The following VPS35L variants were observed in gnomAD, a reference collection of about 807,000 sequenced individuals.
VPS35L encodes VPS35 endosomal protein sorting factor like.
Under a neutral mutation model 133.0 loss-of-function variants are expected in VPS35L, and 83 were observed. That is an observed-to-expected ratio of 0.62 (90% CI 0.52 to 0.75). VPS35L has a LOEUF of 0.75. Among genes scored for constraint, VPS35L ranks in the 30% least tolerant of loss-of-function variants. VPS35L has a pLI of 0.00. For missense variants in VPS35L, 1,083 were observed against 1,206.8 expected, an observed-to-expected ratio of 0.90 and a Z score of 1.52; for synonymous variants, 423 against 449.9, an observed-to-expected ratio of 0.94 and a Z score of 0.76.
intron 12 of VPS35L, chr16:19,611,944 C>CTT (rs1213608306): frequency 3.7e-4 from 53 of 144,274 alleles, no homozygotes; most frequent in African/African-American, 1.2e-3. Flanking sequence ...TTTCTTTTTC[C>CTT]TTTTTTTTTT....
intron 26 of VPS35L, among the ~76,000 whole-genome samples, chr16:19,660,284 C>T (rs1204493682): frequency 6.6e-6 from 1 of 151,348 alleles, no homozygotes; most frequent in African/African-American, 2.4e-5. Context: ...GCCATGATTG[C>T]ACCACTGCAC....
intron 8 of VPS35L, among the ~76,000 whole-genome samples, chr16:19,593,802 A>G (rs1007109838): frequency 1.3e-5 from 2 of 152,132 alleles, no homozygotes; most frequent in Non-Finnish European, 2.9e-5. Context: ...CTGTAGTCCC[A>G]GCTACTTGGG....
At chr16:19,585,886 G>C (rs906533316) in intron 7 of VPS35L, among the ~76,000 whole-genome samples, 2 of 151,932 alleles carry the variant, frequency 1.3e-5, no homozygotes, top group African/African-American at 4.8e-5. Flanking sequence ...GTGTTATTTG[G>C]TTGAGTTGTA....
chr16:19,621,331 G>A lies in VPS35L; in HGVS notation c.1224+4523G>A, dbSNP rs568225931. Among the ~76,000 whole-genome samples, 3 of 152,302 alleles carry A rather than the reference G, an allele frequency of 2.0e-5. No individual in the cohort carries two copies. The South Asian group carries it at 6.2e-4, about 32-fold the overall frequency. ...ATTTCTAGGACATGGAAGTTGGGAGGGGGGGACATTCGCATCTTTCTTGAT... is the reference window on the plus strand; with the variant it reads ...ATTTCTAGGACATGGAAGTTGGGAGAGGGGGACATTCGCATCTTTCTTGAT... On this transcript the variant is annotated intron_variant, in intron 14 of 30. Transcript: ENST00000417362.
chr16:19,676,996 G>T (rs1975084950), intron 27 of VPS35L, among the ~76,000 whole-genome samples: 1 of 152,056 alleles, frequency 6.6e-6, no homozygotes, highest in African/African-American at 2.4e-5. Flanking sequence ...AGGATTGCTT[G>T]AGGCCAGGAG....
At chr16:19,640,330 A>G (rs1354995840) in intron 21 of VPS35L, among the ~76,000 whole-genome samples, 1 of 152,136 alleles carries the variant, frequency 6.6e-6, no homozygotes, top group African/African-American at 2.4e-5. Context: ...AGAAAACCAC[A>G]CTGGAAGGAA....
At position 19,616,682 on chromosome 16, in the gene VPS35L, G is replaced by A. The variant is rs114987400; in HGVS notation, c.1102-4G>A. The A allele has an allele frequency of 5.7e-3, 9,146 of 1,613,396 alleles. 143 individuals are homozygous for A. Among genetic ancestry groups the A allele is most frequent in the African/African-American group, 0.054 (4,073 of 74,984 alleles). On this transcript the variant is annotated splice_polypyrimidine_tract_variant and splice_region_variant and intron_variant, in intron 13 of 30. Transcript: ENST00000417362. ...TTTCTAAGTGTTTGTTTGGCCTCCT[G>A]TAGATTCATGGGGATACGGTCCAGA... is the stretch of plus-strand genomic sequence containing the variant.
intron 11 of VPS35L, among the ~76,000 whole-genome samples, chr16:19,609,966 A>C (rs1972657895): frequency 6.6e-6 from 1 of 152,186 alleles, no homozygotes; most frequent in Non-Finnish European, 1.5e-5. Context: ...GGCAAACGAA[A>C]ATACATGTGG....
At chr16:19,664,102 T>G (rs943684943) in intron 26 of VPS35L, among the ~76,000 whole-genome samples, 2 of 152,158 alleles carry the variant, frequency 1.3e-5, no homozygotes, top group Non-Finnish European at 2.9e-5. Flanking sequence ...TGTGATATTT[T>G]GCCAGTGAGC....
At chr16:19,668,523 G>T (rs1177110999) in intron 26 of VPS35L, among the ~76,000 whole-genome samples, 2 of 151,284 alleles carry the variant, frequency 1.3e-5, no homozygotes, top group South Asian at 4.2e-4. Context: ...TTTTTTCATA[G>T]CTCTTTAAAT....
At chr16:19,662,375 C>A (rs920318234) in intron 26 of VPS35L, among the ~76,000 whole-genome samples, 2 of 152,010 alleles carry the variant, frequency 1.3e-5, no homozygotes, top group African/African-American at 4.8e-5. Context: ...GCCAGGTATG[C>A]CAGATCTGAC....
chr16:19,573,183 G>A lies in VPS35L; in HGVS notation c.350G>A (p.Trp117Ter). ...NSVVGSDFEP[W>*]TNKRGEILAR... ...GTTGTAGGATCGGATTTTGAGCCTT[G>A]GACCAACAAACGGGGAGAAATCCTT... Residue 117 changes from tryptophan (W) to a stop codon, truncating the protein, a stop_gained, in exon 4 of 31, where the codon TGG (tryptophan) becomes TAG (stop). Transcript: ENST00000417362. LOFTEE classifies it high-confidence loss of function. The A allele has an allele frequency of 6.2e-7, 1 of 1,613,960 alleles. No homozygotes were observed.
At chr16:19,643,782 C>CT (rs1032726345) in intron 22 of VPS35L, among the ~76,000 whole-genome samples, 2 of 142,362 alleles carry the variant, frequency 1.4e-5, no homozygotes, top group African/African-American at 6.0e-5. Flanking sequence ...CCCGTCTCTA[C>CT]TTTAAAAAAA....
chr16:19,666,356 CAA>C (rs1175952782), intron 26 of VPS35L, among the ~76,000 whole-genome samples: 1 of 152,066 alleles, frequency 6.6e-6, no homozygotes, highest in African/African-American at 2.4e-5. Context: ...AGCTACAAAA[CAA>C]AGTGTTACAT....
At chr16:19,593,076 C>G (rs1972094497) in intron 8 of VPS35L, among the ~76,000 whole-genome samples, 1 of 152,162 alleles carries the variant, frequency 6.6e-6, no homozygotes, top group Non-Finnish European at 1.5e-5. Flanking sequence ...CACACACCAC[C>G]TCACAGGTAG....
chr16:19,570,275 C>T (rs1482014698), intron 3 of VPS35L, among the ~76,000 whole-genome samples: 1 of 152,110 alleles, frequency 6.6e-6, no homozygotes, highest in Non-Finnish European at 1.5e-5. Flanking sequence ...GTTGACCAGG[C>T]TGGTCTTGAA....
intron 9 of VPS35L, among the ~76,000 whole-genome samples, chr16:19,607,452 G>A (rs1407880703): frequency 2.6e-5 from 4 of 152,166 alleles, no homozygotes; most frequent in Non-Finnish European, 4.4e-5. Context: ...CTTGACCCAC[G>A]TGACCACACC....
chr16:19,571,704 C>T (rs1302073190), intron 3 of VPS35L, among the ~76,000 whole-genome samples: 3 of 152,138 alleles, frequency 2.0e-5, no homozygotes, highest in East Asian at 1.9e-4. Flanking sequence ...GCCACCACAC[C>T]TGGCTAATTT....
chr16:19,626,577 C>T (rs543259631), intron 15 of VPS35L, among the ~76,000 whole-genome samples: 17 of 152,120 alleles, frequency 1.1e-4, no homozygotes, highest in African/African-American at 3.9e-4. Flanking sequence ...GCCTGGCCAA[C>T]GTGGCAAAAC....
Sources: allele counts gnomAD v4.1 joint callset (sites outside exome capture counted in the v4.1 genomes callset), GRCh38; gene constraint gnomAD v4.1.1; transcripts MANE v1.5; gene names NCBI Gene and HGNC (gene_info 2026-07-23, HGNC 2026-07-21).